The following GNAS variants were observed in gnomAD, a reference collection of about 807,000 sequenced individuals.
The protein encoded by GNAS is protein ALEX.
A neutral mutation model predicts 54.5 loss-of-function variants in GNAS; 8 were observed. That is an observed-to-expected ratio of 0.15 (90% CI 0.09 to 0.26). The LOEUF is 0.26. Among genes scored for constraint, GNAS ranks in the 10% least tolerant of loss-of-function variants. GNAS has a pLI of 1.00. For missense variants in GNAS, 170 were observed against 529.8 expected (o/e 0.32, Z 6.67); for synonymous variants, 204 against 191.4 (o/e 1.07, Z -0.54).
chr20:58,862,848 C>T (rs1014855930), intron 1 of GNAS, among the ~76,000 whole-genome samples: 2 of 151,712 alleles, frequency 1.3e-5, no homozygotes. Flanking sequence ...CACCTGTCAC[C>T]CCTGCCTATC....
In GNAS at chr20:58,853,649, T is replaced by C; in HGVS notation, c.43+12763T>C. ...AGCCTGGATTCCCCAGTGGGGTCCA[T>C]GCAGGCCTTGAGGCCTTCGGCCCAG... On this transcript the variant is annotated intron_variant, in intron 1 of 12. Coordinates refer to the GNAS transcript ENST00000306090. The surrounding 1 kb of genome is among the most constrained non-coding windows in gnomAD (Gnocchi z 4.4). The C allele has an allele frequency of 6.2e-7, 1 of 1,613,560 alleles. No homozygotes were observed. The highest frequency in any genetic ancestry group is 8.5e-7 in the Non-Finnish European group (1 of 1,179,868).
intron 6 of GNAS, among the ~76,000 whole-genome samples, chr20:58,907,174 AGGGTCTGCGC>A (rs2091117852): frequency 6.6e-6 from 1 of 152,214 alleles, no homozygotes; most frequent in South Asian, 2.1e-4. Context: ...AGCCTCTGTT[AGGGTCTGCGC>A]AATCTATCAA....
rs1188002924 is a variant in GNAS at position 58,906,590 on chromosome 20, G to C, written c.530+1110G>C. 2.0e-5 allele frequency among the ~76,000 whole-genome samples: 3 copies of C among 152,184 alleles called. No individual in the cohort carries two copies. The East Asian group carries it at 5.8e-4, about 29-fold the overall frequency. Reference sequence around the variant, plus strand: ...TCTGTCACCCAGGCTGGAGTGCAGTGGTGCGACCTTGGCTCACTGCAACCT... The same window carrying C: ...TCTGTCACCCAGGCTGGAGTGCAGTCGTGCGACCTTGGCTCACTGCAACCT... On this transcript the variant is annotated intron_variant, in intron 6 of 12. Transcript: ENST00000371085.
intron 1 of GNAS, among the ~76,000 whole-genome samples, chr20:58,894,366 G>C (rs1290461555): frequency 6.6e-6 from 1 of 152,208 alleles, no homozygotes; most frequent in Non-Finnish European, 1.5e-5. Flanking sequence ...GGCTCATTAA[G>C]ATAGTGTTTG....
At chr20:58,899,693 ACG>A (rs1405071797) in intron 3 of GNAS, among the ~76,000 whole-genome samples, 1 of 151,552 alleles carries the variant, frequency 6.6e-6, no homozygotes, top group East Asian at 1.9e-4. Flanking sequence ...ATACACAGAC[ACG>A]CACACACATC....
chr20:58,855,176 G>A, intron 1 of GNAS: 2 of 1,610,428 alleles, frequency 1.2e-6, no homozygotes, highest in Non-Finnish European at 1.7e-6. Context: ...TCAAGGTCAA[G>A]AAGGTACCCC....
At chr20:58,848,765 T>G in intron 1 of GNAS, 1 of 396,592 alleles carries the variant, frequency 2.5e-6, no homozygotes, top group Non-Finnish European at 4.4e-6. Flanking sequence ...ACCGGATTCC[T>G]CAGGTCCCTG....
At chr20:58,850,333 C>T (rs1391174879) in intron 1 of GNAS, among the ~76,000 whole-genome samples, 1 of 152,194 alleles carries the variant, frequency 6.6e-6, no homozygotes, top group African/African-American at 2.4e-5. Context: ...GCATGTGCTC[C>T]CCTGGCAAAG....
intron 1 of GNAS, chr20:58,895,370 A>C (rs1285694763): frequency 3.9e-6 from 2 of 510,422 alleles, no homozygotes; most frequent in East Asian, 3.4e-5. Context: ...AAAAATTAAA[A>C]CCAGCAAACC....
rs188164144 is a variant in GNAS at position 58,903,517 on chromosome 20, C to T, written c.258-14C>T. The T allele has an allele frequency of 2.5e-6, 4 of 1,609,428 alleles. No homozygotes were observed. The highest frequency in any genetic ancestry group is 1.7e-5 in the Admixed American group (1 of 60,020). The stretch of plus-strand genomic sequence containing the variant: ...GTGCAATATGATTTTCTTTTCTTTT[C>T]AATCCCACTGCAGTGAGAAGGCAAC... On this transcript the variant is annotated splice_polypyrimidine_tract_variant and intron_variant, in intron 3 of 12. Transcript: ENST00000371085.
At chr20:58,850,979 C>T in intron 1 of GNAS, 2 of 398,672 alleles carry the variant, frequency 5.0e-6, no homozygotes, top group Non-Finnish European at 8.8e-6. Context: ...ATTGGCATGA[C>T]CCCTGCCCAA....
At chr20:58,886,435 C>T (rs930397860), upstream of GNAS, among the ~76,000 whole-genome samples, 6 of 152,248 alleles carry the variant, frequency 3.9e-5, no homozygotes, top group Admixed American at 6.5e-5. Context: ...AGATATTCTG[C>T]CCTTTGTCCC....
At chr20:58,890,168 G>A (rs2089012436), upstream of GNAS, among the ~76,000 whole-genome samples, 1 of 151,800 alleles carries the variant, frequency 6.6e-6, no homozygotes, top group Non-Finnish European at 1.5e-5. Context: ...AGAAGAAGGA[G>A]AAGGAGAGGA....
At position 58,898,997 on chromosome 20, in the gene GNAS, CA is replaced by C; in HGVS notation, c.257+16del. ...AGCAACAGCGATGGGTAGGCACATT[CA>C]AAACCAGAAAAAATTGTTAACAAAC... On this transcript the variant is annotated intron_variant, in intron 3 of 12. Transcript: ENST00000371085. 1.2e-6 allele frequency: 2 copies of C among 1,606,182 alleles called. No homozygotes were observed. Among genetic ancestry groups the C allele is most frequent in the East Asian group, 2.2e-5 (1 of 44,842 alleles).
At position 58,841,462 on chromosome 20, in the gene GNAS, C is replaced by T. The variant is rs1439670896; in HGVS notation, c.43+576C>T. On this transcript the variant is annotated intron_variant, in intron 1 of 12. Coordinates refer to the GNAS transcript ENST00000306090. This position sits in a 1 kb window ranked among gnomAD's most constrained non-coding sequence, Gnocchi z 5.0. ...TCACGCGCGCGCGGCGCCTAAGCAG[C>T]TCAGAGCCGGAGCCCAGGTCCCAGA... is the stretch of plus-strand genomic sequence containing the variant. 22 of 992,324 alleles carry T rather than the reference C, an allele frequency of 2.2e-5. No homozygotes were observed. The highest frequency in any genetic ancestry group is 2.5e-5 in the Non-Finnish European group (21 of 834,506). 61.5% of individuals were successfully genotyped at this position (992,324 alleles called of 1,614,324 possible).
At position 58,874,680 on chromosome 20, in the gene GNAS, C is replaced by T. The variant is rs568901277; in HGVS notation, c.44-20932C>T. ...CCTGCCCTCCATCTTAGCTCCTGGC[C>T]TGCCTTCTATCTTTGCTCCTGGCCT... On this transcript the variant is annotated intron_variant, in intron 1 of 12. Transcript: ENST00000306090. Among the ~76,000 whole-genome samples the T allele has an allele frequency of 5.3e-5, 8 of 151,714 alleles. No individual in the cohort carries two copies. In the South Asian group the frequency reaches 1.3e-3, roughly 24 times the overall value.
chr20:58,895,881 A>G (rs980421988), intron 2 of GNAS, among the ~76,000 whole-genome samples, 197 bp downstream of exon 2: 1 of 152,106 alleles, frequency 6.6e-6, no homozygotes, highest in African/African-American at 2.4e-5. Context: ...TGGTGCAACA[A>G]ATACTACTGA....
chr20:58,910,257 A>G lies in GNAS; in HGVS notation c.971-77A>G. The G allele has an allele frequency of 7.7e-7, 1 of 1,295,834 alleles. No individual in the cohort carries two copies. The highest frequency in any genetic ancestry group is 1.1e-6 in the Non-Finnish European group (1 of 889,172). The allele number at this position is 1,295,834 out of a possible 1,614,324, so 80.3% of individuals were successfully genotyped here. A position where few individuals can be genotyped will look rare whatever the true frequency, so the allele number is the denominator to read the frequency against. Reference sequence around the variant, plus strand: ...GAAAAATCAGGGTTTTGAAGACTTCAGGAGCTACAGAGATGCTAGCACCCC... The same window carrying G: ...GAAAAATCAGGGTTTTGAAGACTTCGGGAGCTACAGAGATGCTAGCACCCC... On this transcript the variant is annotated intron_variant, in intron 11 of 12. Coordinates refer to ENST00000371085, the MANE Select transcript of GNAS (RefSeq NM_000516.7). This position sits in a 1 kb window ranked among gnomAD's most constrained non-coding sequence, Gnocchi z 5.8.
chr20:58,893,156 G>C (rs1467245093), intron 1 of GNAS, among the ~76,000 whole-genome samples: 4 of 144,950 alleles, frequency 2.8e-5, no homozygotes, highest in African/African-American at 1.0e-4. Flanking sequence ...GGTGGGAAGA[G>C]ATAAAAAGAC....
Sources: allele counts gnomAD v4.1 joint callset (sites outside exome capture counted in the v4.1 genomes callset), GRCh38; gene constraint gnomAD v4.1.1; non-coding constraint Gnocchi (gnomAD v3.1); transcripts MANE v1.5; gene names NCBI Gene and HGNC (gene_info 2026-07-23, HGNC 2026-07-21).